Variants in DIAPH3 observed in about 807,000 individuals in gnomAD.
DIAPH3 encodes diaphanous related formin 3.
In DIAPH3, 117 loss-of-function variants were observed where a neutral mutation model predicts 144.3. The ratio of observed to expected loss-of-function variants is 0.81; its 90% confidence interval spans 0.70 to 0.95. The LOEUF is 0.95. Among genes scored for constraint, DIAPH3 ranks in the 40% least tolerant of loss-of-function variants. The pLI is 0.00. For missense variants in DIAPH3, 1,421 were observed against 1,412.7 expected, an observed-to-expected ratio of 1.01 and a Z score of -0.09; for synonymous variants, 519 against 488.9, an observed-to-expected ratio of 1.06 and a Z score of -0.81.
chr13:59,826,806 A>C (rs899383555), intron 24 of DIAPH3, among the ~76,000 whole-genome samples: 2 of 152,074 alleles, frequency 1.3e-5, no homozygotes, highest in East Asian at 3.9e-4. Context: ...AGTAACCAAA[A>C]CAGCATGGTA....
chr13:59,896,711 CAG>C (rs2046122662), intron 20 of DIAPH3, among the ~76,000 whole-genome samples: 1 of 152,106 alleles, frequency 6.6e-6, no homozygotes, highest in African/African-American at 2.4e-5. Context: ...GATACCTAGT[CAG>C]AGAGTTAGAG....
rs1050238318 is a variant in DIAPH3, at chr13:60,035,368, G to A, written c.626+7322C>T. ...AAAAAAAAGCTATAGAATGAATGAC[G>A]GTATACAAAAGAAGCAGCCTCCTAC... On this transcript the variant is annotated intron_variant, in intron 5 of 27. Transcript: ENST00000400324. 3.9e-5 allele frequency among the ~76,000 whole-genome samples: 6 copies of A among 152,004 alleles called. No individual in the cohort carries two copies. The East Asian group carries it at 5.8e-4, about 15-fold the overall frequency.
intron 17 of DIAPH3, among the ~76,000 whole-genome samples, chr13:59,931,618 G>T (rs773232763): frequency 2.6e-5 from 4 of 152,142 alleles, no homozygotes; most frequent in Admixed American, 6.6e-5. Context: ...AACACATCAG[G>T]TGCTCAACAA....
intron 1 of DIAPH3, among the ~76,000 whole-genome samples, chr13:60,156,939 A>ATATATATATATATATATTTTTT: frequency 1.2e-5 from 1 of 82,046 alleles, no homozygotes; most frequent in African/African-American, 5.4e-5. Context: ...ATATATATAT[A>ATATATATATATATATATTTTTT]TTTTTTTTTT....
chr13:59,916,235 A>T lies in DIAPH3; in HGVS notation c.2185T>A (p.Ser729Thr), dbSNP rs1566511219. The T allele has an allele frequency of 6.2e-7, 1 of 1,613,142 alleles. No homozygotes were observed. The change falls in exon 19 of 28, where the codon TCT becomes ACT. Residue 729 changes from serine (S) to threonine (T), a missense_variant. Ser to Thr is a moderately conservative substitution (Grantham distance 58). Coordinates refer to ENST00000400324, the MANE Select transcript of DIAPH3 (RefSeq NM_001042517.2). ...ATTTCCTCATATGGCACCCGAAAAGAGCTCAGGAAGATTGCTAAGAAGGAG... is the reference window on the plus strand; with the variant it reads ...ATTTCCTCATATGGCACCCGAAAAGTGCTCAGGAAGATTGCTAAGAAGGAG... The part of the protein sequence containing the change: ...IAQNLSIFLS[S>T]FRVPYEEIRM...
chr13:59,802,124 C>T (rs1225626326), intron 25 of DIAPH3, among the ~76,000 whole-genome samples: 1 of 152,104 alleles, frequency 6.6e-6, no homozygotes, highest in African/African-American at 2.4e-5. Flanking sequence ...AAACCTGGCT[C>T]CACCTATGAC....
rs879304914 is a variant in DIAPH3 at position 60,152,186 on chromosome 13, A to C, written c.180+11401T>G. 3.9e-5 allele frequency among the ~76,000 whole-genome samples: 6 copies of C among 152,258 alleles called. 1 individual carries two copies. The highest frequency in any genetic ancestry group is 3.9e-4 in the Admixed American group (6 of 15,302). On this transcript the variant is annotated intron_variant, in intron 1 of 27. Transcript: ENST00000400324. The stretch of plus-strand genomic sequence containing the variant: ...ATAAATGCAGCATTATGGATCTCAC[A>C]ATTAATCTACTCAGGGCTTTTACTA...
At chr13:59,997,538 T>C (rs1271000058) in intron 9 of DIAPH3, among the ~76,000 whole-genome samples, 4 of 152,112 alleles carry the variant, frequency 2.6e-5, no homozygotes. Context: ...GAAATATTTA[T>C]TTATTTTCTT....
chr13:60,079,012 C>T (rs1008416311), intron 4 of DIAPH3, among the ~76,000 whole-genome samples: 16 of 152,028 alleles, frequency 1.1e-4, no homozygotes, highest in South Asian at 1.0e-3. Flanking sequence ...CAGATCTATG[C>T]GTGCTGGAAG....
At chr13:59,730,701 C>G (rs149966279) in intron 27 of DIAPH3, among the ~76,000 whole-genome samples, 63 of 152,236 alleles carry the variant, frequency 4.1e-4, no homozygotes, top group African/African-American at 1.4e-3. Flanking sequence ...CTGCCTTGCA[C>G]TTAAAACACT....
At chr13:59,811,070 G>C (rs1442167017) in intron 24 of DIAPH3, 147 bp from the exon 25 acceptor site, 2 of 747,390 alleles carry the variant, frequency 2.7e-6, no homozygotes, top group Non-Finnish European at 2.1e-6. Context: ...TCTTCTAAAA[G>C]GTATGCACAG....
chr13:59,994,213 CCATTAGCATGG>C (rs1347338505), intron 9 of DIAPH3, among the ~76,000 whole-genome samples: 9 of 151,894 alleles, frequency 5.9e-5, no homozygotes, highest in Non-Finnish European at 1.2e-4. Context: ...TCATAATTTG[CCATTAGCATGG>C]CTTACAATCT....
intron 20 of DIAPH3, among the ~76,000 whole-genome samples, chr13:59,891,448 CAA>C (rs199605332): frequency 1.5e-5 from 2 of 131,680 alleles, no homozygotes; most frequent in East Asian, 2.1e-4. Context: ...AAATTATCAT[CAA>C]AAAAAAAAAA....
At chr13:60,065,476 C>T (rs1350087789) in intron 4 of DIAPH3, among the ~76,000 whole-genome samples, 1 of 152,106 alleles carries the variant, frequency 6.6e-6, no homozygotes, top group Non-Finnish European at 1.5e-5. Context: ...ATCAACTTTG[C>T]TCATCATAGT....
intron 26 of DIAPH3, 138 bp downstream of exon 26, chr13:59,774,590 C>A: frequency 1.2e-6 from 1 of 855,138 alleles, no homozygotes; most frequent in Middle Eastern, 2.2e-4. Flanking sequence ...AGGGATTAAG[C>A]AAACTTATGA....
At chr13:60,149,518 A>G (rs973532612) in intron 1 of DIAPH3, among the ~76,000 whole-genome samples, 4 of 152,188 alleles carry the variant, frequency 2.6e-5, no homozygotes, top group Admixed American at 2.6e-4. Context: ...TAAGAGGCTG[A>G]GGTAGAAGAA....
At chr13:59,729,810 ATT>A (rs59987412) in intron 27 of DIAPH3, among the ~76,000 whole-genome samples, 14 of 134,244 alleles carry the variant, frequency 1.0e-4, no homozygotes, top group African/African-American at 1.8e-4. Context: ...ATACATTAAT[ATT>A]TTTTTTTTTT....
intron 3 of DIAPH3, among the ~76,000 whole-genome samples, chr13:60,099,928 G>GAAGGA (rs2058219826): frequency 7.7e-6 from 1 of 129,962 alleles, no homozygotes; most frequent in South Asian, 2.3e-4. Context: ...AGGAAGGAAG[G>GAAGGA]AAGGAAGGAA....
At chr13:59,918,944 CAAAAA>C (rs34985752) in intron 18 of DIAPH3, among the ~76,000 whole-genome samples, 1 of 117,504 alleles carries the variant, frequency 8.5e-6, no homozygotes. Context: ...CAAGAAAATA[CAAAAA>C]AAAAAAAAAA....
Sources: gnomAD v4.1 joint callset for allele counts (sites outside exome capture counted in the v4.1 genomes callset) on GRCh38, gnomAD v4.1.1 for gene constraint, MANE v1.5 for transcripts, NCBI Gene and HGNC (gene_info 2026-07-23, HGNC 2026-07-21) for gene names.